ELF5: variants seen among roughly 807,000 people sequenced by gnomAD.
ELF5 encodes the protein E74 like ETS transcription factor 5.
Under a neutral mutation model 38.2 loss-of-function variants are expected in ELF5, and 31 were observed. The observed-to-expected ratio is 0.81, with a 90% CI of 0.61 to 1.10. ELF5 has a LOEUF of 1.10. ELF5 is among the 50% of genes least tolerant of loss of function. The probability of loss-of-function intolerance (pLI) is 0.00; values close to 1 mark genes in which losing one functional copy is unlikely to be tolerated. For synonymous variants in ELF5, 121 were observed against 112.5 expected, an observed-to-expected ratio of 1.08 and a Z score of -0.48; for missense variants, 300 against 306.6, an observed-to-expected ratio of 0.98 and a Z score of 0.16.
At position 34,480,965 on chromosome 11, in the gene ELF5, G is replaced by A. The variant is rs151267373; in HGVS notation, c.478C>T (p.Leu160Phe). ...QDCHSHSRTS[L>F]QSSHLWEFVR... ...AATTCCCATAGATGAGAACTTTGGA[G>A]GCCTTTTGAAAAGGGGAAAACATTA... The change falls in exon 6 of 7, where the codon CTC (leucine) becomes TTC (phenylalanine). Residue 160 changes from leucine (L) to phenylalanine (F), a missense_variant and splice_region_variant. By Grantham distance (22) the Leu-to-Phe change is conservative. Transcript: ENST00000257832. 1 of 1,597,826 alleles carries A rather than the reference G, an allele frequency of 6.3e-7. No individual in the cohort carries two copies. The highest frequency in any genetic ancestry group is 1.1e-5 in the South Asian group (1 of 87,514).
intron 1 of ELF5, chr11:34,511,720 G>T: frequency 1.1e-6 from 1 of 937,970 alleles, no homozygotes; most frequent in Non-Finnish European, 1.6e-6. Flanking sequence ...AGCAATAACA[G>T]GTGTGGCTCC....
intron 1 of ELF5, among the ~76,000 whole-genome samples, chr11:34,511,015 A>G (rs1228752449): frequency 6.6e-6 from 1 of 152,110 alleles, no homozygotes; most frequent in Non-Finnish European, 1.5e-5. Context: ...CCCTCTCCAA[A>G]TCTCAGTTCT....
chr11:34,493,269 C>T (rs770708251), intron 3 of ELF5: 7 of 606,344 alleles, frequency 1.2e-5, no homozygotes, highest in Admixed American at 2.9e-5. Flanking sequence ...TTTTTAAATG[C>T]ACTCAATTTG....
chr11:34,486,622 C>T (rs1850004368), intron 4 of ELF5, among the ~76,000 whole-genome samples: 1 of 152,180 alleles, frequency 6.6e-6, no homozygotes, highest in African/African-American at 2.4e-5. Flanking sequence ...GTAAAAAGCA[C>T]AGGCTTTGAG....
chr11:34,482,486 G>T lies in ELF5; in HGVS notation c.420C>A (p.Asn140Lys). ...KATIKDYADS[N>K]CLKTSGIKSQ... is the part of the protein sequence containing the mutation. ...TTTTGATGCCACTTGTTTTCAAGCAGTTGGAATCAGCATCTGAAATAGAAT... is the reference window on the plus strand; with the variant it reads ...TTTTGATGCCACTTGTTTTCAAGCATTTGGAATCAGCATCTGAAATAGAAT... Residue 140 changes from asparagine (N) to lysine (K), a missense_variant, in exon 5 of 7, where the codon AAC (asparagine) becomes AAA (lysine). By Grantham distance (94) the Asn-to-Lys change is moderately conservative (BLOSUM62 0). Coordinates refer to ENST00000257832, the MANE Select transcript of ELF5 (RefSeq NM_001422.4). 3 of 1,613,058 alleles carry T rather than the reference G, an allele frequency of 1.9e-6. No homozygotes were observed. Among genetic ancestry groups the T allele is most frequent in the Non-Finnish European group, 2.5e-6 (3 of 1,179,706 alleles).
chr11:34,481,155 TG>T (rs898862701), intron 5 of ELF5, among the ~76,000 whole-genome samples, 188 bp from the exon 6 acceptor site: 5 of 152,072 alleles, frequency 3.3e-5, no homozygotes, highest in Non-Finnish European at 7.4e-5. Flanking sequence ...CCCAAGTAGC[TG>T]GGATTATAGG....
At chr11:34,500,276 TG>T (rs1850429702) in intron 2 of ELF5, among the ~76,000 whole-genome samples, 1 of 152,140 alleles carries the variant, frequency 6.6e-6, no homozygotes, top group Non-Finnish European at 1.5e-5. Context: ...GGGGCAGCAC[TG>T]AAGAGAGGTG....
At position 34,480,232 on chromosome 11, in the gene ELF5, C is replaced by G. The variant is rs954582578; in HGVS notation, c.754G>C (p.Glu252Gln). The G allele has an allele frequency of 1.2e-6, 2 of 1,614,016 alleles. No individual in the cohort carries two copies. Among genetic ancestry groups the G allele is most frequent in the Non-Finnish European group, 8.5e-7 (1 of 1,179,940 alleles). Residue 252 changes from glutamate to glutamine, a missense_variant, in exon 7 of 7, where the codon GAA becomes CAA. Coordinates refer to ENST00000257832, the MANE Select transcript of ELF5 (RefSeq NM_001422.4). Reference sequence around the variant, plus strand: ...CCTGGAGCAGATCATAGCTTGTCTTCCTGCCACCCGTGTGCATTTTTTCCA... The same window carrying G: ...CCTGGAGCAGATCATAGCTTGTCTTGCTGCCACCCGTGTGCATTTTTTCCA... ...KFGKNAHGWQ[E>Q]DKL
chr11:34,490,935 G>A (rs181013723), intron 3 of ELF5, among the ~76,000 whole-genome samples: 4 of 152,198 alleles, frequency 2.6e-5, no homozygotes, highest in Admixed American at 6.5e-5. Flanking sequence ...CCTAGGCTGT[G>A]GAAGCCAACC....
rs1194661434 is a variant in ELF5 at position 34,479,392 on chromosome 11, C to T, written c.*826G>A. 3 of 152,206 alleles carry T rather than the reference C, an allele frequency of 2.0e-5. No homozygotes were observed. Among genetic ancestry groups the T allele is most frequent in the African/African-American group, 7.2e-5 (3 of 41,448 alleles). The allele number at this position is 152,206 out of a possible 1,614,324, so 9.4% of individuals were successfully genotyped here. ...GCCATCAGTTAGAAGGGGGAATAAA[C>T]TCAGCAACAATTAATAATGTGGTTA... On this transcript the variant is annotated 3_prime_UTR_variant, in exon 7 of 7. Transcript: ENST00000257832.
intron 4 of ELF5, among the ~76,000 whole-genome samples, chr11:34,489,026 C>T (rs1454183802): frequency 6.6e-6 from 1 of 152,196 alleles, no homozygotes; most frequent in African/African-American, 2.4e-5. Flanking sequence ...CCCGGGGCCC[C>T]GAGTGATGAA....
chr11:34,507,335 A>G (rs1207560266), intron 1 of ELF5, among the ~76,000 whole-genome samples: 2 of 152,234 alleles, frequency 1.3e-5, no homozygotes, highest in African/African-American at 4.8e-5. Context: ...TCTGCTCAGA[A>G]CAACCACTCT....
At chr11:34,513,476 C>T (rs1013855687) in intron 1 of ELF5, among the ~76,000 whole-genome samples, 4 of 152,200 alleles carry the variant, frequency 2.6e-5, no homozygotes, top group African/African-American at 4.8e-5. Context: ...GGTGGCCACA[C>T]GGCCTGCGGA....
In ELF5 at chr11:34,482,444, A is replaced by T; in HGVS notation, c.462T>A (p.Ser154Arg). ...TSGIKSQDCH[S>R]HSRTSLQSSH... ...TCCTGCACTTACTTGTTCTACTATG[A>T]CTGTGACAGTCTTGACTTTTGATGC... Residue 154 changes from serine to arginine, a missense_variant, in exon 5 of 7, where the codon AGT (serine) becomes AGA (arginine). By Grantham distance (110) the Ser-to-Arg change is moderately radical. Coordinates refer to ENST00000257832, the MANE Select transcript of ELF5 (RefSeq NM_001422.4). The T allele has an allele frequency of 6.2e-7, 1 of 1,613,138 alleles. No homozygotes were observed. The highest frequency in any genetic ancestry group is 8.5e-7 in the Non-Finnish European group (1 of 1,179,840).
chr11:34,479,085 T>A lies in ELF5; in HGVS notation c.*1133A>T, dbSNP rs1856865382. On this transcript the variant is annotated 3_prime_UTR_variant, in exon 7 of 7. Transcript: ENST00000257832. ...CAGTGCAGACTTTAACCTATGAACATTTATTAGTGTGAATTCACTGTCACT... is the reference window on the plus strand; with the variant it reads ...CAGTGCAGACTTTAACCTATGAACAATTATTAGTGTGAATTCACTGTCACT... The A allele has an allele frequency of 6.6e-6, 1 of 152,600 alleles. No homozygotes were observed. Among genetic ancestry groups the A allele is most frequent in the African/African-American group, 2.4e-5 (1 of 41,430 alleles). The allele number at this position is 152,600 out of a possible 1,614,324, so 9.5% of individuals were successfully genotyped here.
intron 4 of ELF5, among the ~76,000 whole-genome samples, chr11:34,484,791 T>A (rs10836249): frequency 1.3e-5 from 2 of 151,882 alleles, no homozygotes. Context: ...GCTTCCCAAC[T>A]TTTTCCCTTC....
rs140264606 is a variant in ELF5, at chr11:34,502,575, C to G, written c.121+3054G>C. Among the ~76,000 whole-genome samples, 838 of 152,354 alleles carry G rather than the reference C, an allele frequency of 5.5e-3. 10 individuals are homozygous for G. Among genetic ancestry groups the G allele is most frequent in the African/African-American group, 0.019 (790 of 41,586 alleles). ...CAAGGCTCACCCGGTGCCCAGGCAG[C>G]TCCAAGAGAGGTGTTTACTCCAGGT... On this transcript the variant is annotated intron_variant, in intron 2 of 6. Transcript: ENST00000257832.
intron 6 of ELF5, 56 bp from the exon 7 acceptor site, chr11:34,480,370 C>G: frequency 7.3e-7 from 1 of 1,370,186 alleles, no homozygotes; most frequent in Non-Finnish European, 1.0e-6. Context: ...AGGAAAACAA[C>G]AGAACACAAA....
At position 34,509,586 on chromosome 11, in the gene ELF5, A is replaced by G. The variant is rs193225133; in HGVS notation, c.-4-3833T>C. On this transcript the variant is annotated intron_variant, in intron 1 of 6. Coordinates refer to ENST00000257832, the MANE Select transcript of ELF5 (RefSeq NM_001422.4). ...CCTGGGTTTGGGCTGTGATTTTCCC[A>G]CGGATTGGCTGGTTTTATATCCTGA... Among the ~76,000 whole-genome samples the G allele has an allele frequency of 3.5e-3, 505 of 145,750 alleles. 5 individuals carry two copies. Among genetic ancestry groups the G allele is most frequent in the Middle Eastern group, 0.014 (4 of 288 alleles).
Sources: allele counts gnomAD v4.1 joint callset (sites outside exome capture counted in the v4.1 genomes callset), GRCh38; gene constraint gnomAD v4.1.1; transcripts MANE v1.5; gene names NCBI Gene and HGNC (gene_info 2026-07-23, HGNC 2026-07-21).